The following VPS13C variants were observed in gnomAD, a reference collection of about 807,000 sequenced individuals.
VPS13C encodes intermembrane lipid transfer protein VPS13C.
A neutral mutation model predicts 456.8 loss-of-function variants in VPS13C; 358 were observed. The observed-to-expected ratio is 0.78, with a 90% confidence interval of 0.72 to 0.86. The LOEUF (loss-of-function observed/expected upper bound fraction) is 0.86. Ranked by LOEUF, VPS13C falls within the 40% of genes least tolerant of loss-of-function variation. VPS13C has a pLI of 0.00. For synonymous variants in VPS13C, 1,578 were observed against 1,486.7 expected (o/e 1.06, Z -1.41); for missense variants, 4,818 against 4,385.4 (o/e 1.10, Z -2.79).
In VPS13C at chr15:61,942,094, GA is replaced by G. The variant is rs749585401; in HGVS notation, c.5149-28del. 4 of 1,502,086 alleles carry G rather than the reference GA, an allele frequency of 2.7e-6. No individual in the cohort carries two copies. The African/African-American group carries it at 5.6e-5, about 21-fold the overall frequency. The allele number at this position is 1,502,086 out of a possible 1,614,324, so 93.0% of individuals were successfully genotyped here. A position where few individuals can be genotyped will look rare whatever the true frequency, so the allele number is the denominator to read the frequency against. ...TGTTGGAAGAGACAGATATTTAGGGGAAAAAAGGCATTTATTTTTAAAAGAA... is the reference window on the plus strand; with the variant it reads ...TGTTGGAAGAGACAGATATTTAGGGGAAAAAGGCATTTATTTTTAAAAGAA... On this transcript the variant is annotated intron_variant, in intron 45 of 84. Coordinates refer to ENST00000644861, the MANE Select transcript of VPS13C (RefSeq NM_020821.3).
chr15:62,012,036 CTA>C, intron 12 of VPS13C, 69 bp downstream of exon 12: 1 of 944,474 alleles, frequency 1.1e-6, no homozygotes, highest in Non-Finnish European at 1.6e-6. Flanking sequence ...TATCAGAAAA[CTA>C]TGTTAAAATA....
intron 5 of VPS13C, among the ~76,000 whole-genome samples, chr15:62,032,620 G>A (rs1343645833): frequency 6.6e-6 from 1 of 151,610 alleles, no homozygotes; most frequent in African/African-American, 2.4e-5. Context: ...TCTTAAGCTA[G>A]GAAAAGAAAT....
intron 81 of VPS13C, 37 bp from the exon 82 acceptor site, chr15:61,863,565 T>A: frequency 6.9e-7 from 1 of 1,439,284 alleles, no homozygotes; most frequent in Non-Finnish European, 9.8e-7. Flanking sequence ...TGGGAAGTTA[T>A]GCATTTAAGT....
At position 61,908,979 on chromosome 15, in the gene VPS13C, T is replaced by C. The variant is rs769610525; in HGVS notation, c.8978+13A>G. 1.6e-5 allele frequency: 25 copies of C among 1,610,192 alleles called. No homozygotes were observed. In the Admixed American group the frequency reaches 4.2e-4, roughly 27 times the overall value. On this transcript the variant is annotated intron_variant, in intron 65 of 84. Transcript: ENST00000644861. ...CAATAAAAGTATTTCCCATTAACCC[T>C]TTTTTCTCATACCTCTGTTTGTATG...
Position 62,023,529 on chromosome 15 carries a change from A to C in VPS13C, c.515-9T>G, listed in dbSNP as rs776322416. 6.5e-7 allele frequency: 1 copy of C among 1,539,236 alleles called. No individual in the cohort carries two copies. Among genetic ancestry groups the C allele is most frequent in the Admixed American group, 2.2e-5 (1 of 46,012 alleles). ...GGCTTCTTTTGGCTTATCTATTAAA[A>C]AATAGAAAAATACAAGCTCAAGAGT... is the stretch of plus-strand genomic sequence containing the variant. On this transcript the variant is annotated splice_polypyrimidine_tract_variant and intron_variant, in intron 7 of 84. Coordinates refer to ENST00000644861, the MANE Select transcript of VPS13C (RefSeq NM_020821.3).
At chr15:62,028,309 C>T in intron 6 of VPS13C, 49 bp downstream of exon 6, 1 of 1,591,902 alleles carries the variant, frequency 6.3e-7, no homozygotes, top group Non-Finnish European at 8.6e-7. Flanking sequence ...CACAAGCATA[C>T]ACAAGAATAT....
chr15:61,880,627 G>C lies in VPS13C; in HGVS notation c.9984C>G (p.Phe3328Leu). Residue 3328 changes from phenylalanine (F) to leucine (L), a missense_variant, in exon 73 of 85, where the codon TTC (phenylalanine) becomes TTG (leucine). Phe to Leu is a conservative substitution (Grantham distance 22). Around this residue, in one of 3 missense-constraint regions of VPS13C, gnomAD observed 4,552 missense variants for 4,130.6 expected, o/e 1.10. Coordinates refer to ENST00000644861, the MANE Select transcript of VPS13C (RefSeq NM_020821.3). ...DMSILSFFEHFHISPVKLHLS... is the reference protein window; with the variant it reads ...DMSILSFFEHLHISPVKLHLS... ...AACAAACCTTCACAGGAGAAATATG[G>C]AAATGTTCAAAGAAACTAAGAATTG... The C allele has an allele frequency of 1.3e-6, 2 of 1,576,556 alleles. No individual in the cohort carries two copies. Among genetic ancestry groups the C allele is most frequent in the Non-Finnish European group, 1.7e-6 (2 of 1,163,412 alleles).
At chr15:61,903,378 C>G (rs1052815685) in intron 66 of VPS13C, among the ~76,000 whole-genome samples, 10 of 149,996 alleles carry the variant, frequency 6.7e-5, no homozygotes, top group Admixed American at 4.0e-4. Flanking sequence ...CAACAACAAA[C>G]AAACTAAAAA....
At chr15:61,913,110 G>C (rs532606103) in intron 62 of VPS13C, among the ~76,000 whole-genome samples, 1 of 151,124 alleles carries the variant, frequency 6.6e-6, no homozygotes, top group East Asian at 1.9e-4. Context: ...AACCATTGTG[G>C]AAGTCAGTGT....
chr15:61,865,826 A>T, intron 81 of VPS13C: 1 of 895,022 alleles, frequency 1.1e-6, no homozygotes, highest in Non-Finnish European at 1.3e-6. Context: ...AGATTAGAGG[A>T]TAAGTAGAAT....
At chr15:62,031,254 T>C (rs2047810320) in intron 5 of VPS13C, among the ~76,000 whole-genome samples, 2 of 152,058 alleles carry the variant, frequency 1.3e-5, no homozygotes, top group Admixed American at 1.3e-4. Flanking sequence ...TGTTTTCATT[T>C]TTATCATCTG....
At position 61,868,744 on chromosome 15, in the gene VPS13C, C is replaced by T. The variant is rs1252458023; in HGVS notation, c.10778G>A (p.Ser3593Asn). Reference protein sequence around the residue: ...RAAESTEEVSSLRPPRLIHED... With the variant: ...RAAESTEEVSNLRPPRLIHED... ...ATGGATCAGGCGAGGGGGACGGAGGCTAGATACTTCCTCAGTTGATTCTGC... is the reference window on the plus strand; with the variant it reads ...ATGGATCAGGCGAGGGGGACGGAGGTTAGATACTTCCTCAGTTGATTCTGC... The change falls in exon 81 of 85, where the codon AGC (serine) becomes AAC (asparagine). Residue 3593 changes from serine (S) to asparagine (N), a missense_variant. Physicochemically the swap from Ser to Asn is conservative, Grantham distance 46 (BLOSUM62 1). Coordinates refer to ENST00000644861, the MANE Select transcript of VPS13C (RefSeq NM_020821.3). 1 of 1,613,864 alleles carries T rather than the reference C, an allele frequency of 6.2e-7. No individual in the cohort carries two copies. The highest frequency in any genetic ancestry group is 1.3e-5 in the African/African-American group (1 of 74,898).
At chr15:62,045,584 T>C (rs1347568249) in intron 1 of VPS13C, among the ~76,000 whole-genome samples, 2 of 152,104 alleles carry the variant, frequency 1.3e-5, no homozygotes, top group Non-Finnish European at 2.9e-5. Context: ...GCCAGACTAA[T>C]GAAGAGCTTT....
chr15:61,996,626 C>T (rs1315744924), intron 16 of VPS13C, among the ~76,000 whole-genome samples: 2 of 151,560 alleles, frequency 1.3e-5, no homozygotes, highest in South Asian at 2.1e-4. Context: ...CTGGAAATTA[C>T]TAAAAAGATT....
At chr15:61,865,640 G>C (rs79267487) in intron 81 of VPS13C, 2 of 400,874 alleles carry the variant, frequency 5.0e-6, no homozygotes, top group South Asian at 1.0e-4. Context: ...GGGTATATTT[G>C]TATGTGTGTA....
chr15:62,024,241 T>C (rs2047557698), intron 6 of VPS13C, among the ~76,000 whole-genome samples: 1 of 151,986 alleles, frequency 6.6e-6, no homozygotes, highest in East Asian at 1.9e-4. Context: ...GATAAACATA[T>C]GGTAGGAACA....
chr15:61,872,816 A>G (rs1436863402), intron 78 of VPS13C, among the ~76,000 whole-genome samples: 3 of 152,116 alleles, frequency 2.0e-5, no homozygotes, highest in Admixed American at 2.0e-4. Context: ...TATATAATTA[A>G]GCAGTATTCA....
chr15:61,956,897 A>G (rs772024365), intron 37 of VPS13C, among the ~76,000 whole-genome samples: 1 of 152,146 alleles, frequency 6.6e-6, no homozygotes, highest in Non-Finnish European at 1.5e-5. Flanking sequence ...ATAATTTGGC[A>G]CAAGTTACTG....
intron 66 of VPS13C, among the ~76,000 whole-genome samples, chr15:61,890,814 A>AAG (rs2042627588): frequency 6.6e-6 from 1 of 152,294 alleles, no homozygotes; most frequent in African/African-American, 2.4e-5. Flanking sequence ...TTGGAGGCTG[A>AAG]AGCGGGCAAA....
Sources: gnomAD v4.1 joint callset for allele counts (sites outside exome capture counted in the v4.1 genomes callset) on GRCh38, gnomAD v4.1.1 for gene constraint, gnomAD v4.1.1 regional missense constraint, MANE v1.5 for transcripts, NCBI Gene and HGNC (gene_info 2026-07-23, HGNC 2026-07-21) for gene names.